CHST9: variants seen among roughly 807,000 people sequenced by gnomAD.
The protein encoded by CHST9 is GalNAc-4-sulfotransferase 2.
In CHST9, 41 loss-of-function variants were observed where a neutral mutation model predicts 44.4. The observed-to-expected ratio is 0.92, with a 90% CI of 0.72 to 1.20. CHST9 has a LOEUF of 1.20. Among genes scored for constraint, CHST9 ranks in the 50% most tolerant of loss-of-function variants. The pLI is 0.00. For synonymous variants in CHST9, 171 were observed against 178.4 expected (o/e 0.96, Z 0.33); for missense variants, 504 against 516.5 (o/e 0.98, Z 0.23).
At chr18:27,036,018 C>T (rs1052715498) in intron 3 of CHST9, among the ~76,000 whole-genome samples, 10 of 151,958 alleles carry the variant, frequency 6.6e-5, no homozygotes, top group African/African-American at 2.4e-4. Flanking sequence ...GTCAATTATA[C>T]CTCAATGAAT....
intron 2 of CHST9, among the ~76,000 whole-genome samples, chr18:27,099,339 G>A (rs761004783): frequency 6.6e-6 from 1 of 151,990 alleles, no homozygotes; most frequent in Non-Finnish European, 1.5e-5. Context: ...TTGACAAGTG[G>A]GACCTAATTA....
intron 4 of CHST9, among the ~76,000 whole-genome samples, chr18:26,967,197 T>C (rs912090607): frequency 1.3e-5 from 2 of 152,184 alleles, no homozygotes; most frequent in African/African-American, 4.8e-5. Flanking sequence ...CCTATGTCTT[T>C]AAAAGCAAGA....
chr18:27,169,539 C>T (rs1257516079), intron 1 of CHST9, among the ~76,000 whole-genome samples: 4 of 149,690 alleles, frequency 2.7e-5, no homozygotes, highest in Admixed American at 2.7e-4. Flanking sequence ...GACTTAAAAA[C>T]TTTATGTAAT....
chr18:27,141,463 T>A (rs1331430334), intron 2 of CHST9, among the ~76,000 whole-genome samples: 1 of 150,108 alleles, frequency 6.7e-6, no homozygotes, highest in Non-Finnish European at 1.5e-5. Context: ...CAGTGGTTTG[T>A]GCCTGTAGAC....
chr18:27,000,284 G>T (rs1392680279), intron 4 of CHST9, among the ~76,000 whole-genome samples: 1 of 152,156 alleles, frequency 6.6e-6, no homozygotes, highest in Non-Finnish European at 1.5e-5. Context: ...CAGAACTCTA[G>T]ATTTGTTGGA....
chr18:26,955,098 G>T (rs1050331503), intron 4 of CHST9, among the ~76,000 whole-genome samples: 3 of 152,072 alleles, frequency 2.0e-5, no homozygotes, highest in Admixed American at 2.0e-4. Context: ...GCCTGAGTTT[G>T]ACTGCTGATG....
rs2055536994 is a variant in CHST9 at position 26,916,851 on chromosome 18, T to C, written c.740A>G (p.Asn247Ser). 2 of 1,613,904 alleles carry C rather than the reference T, an allele frequency of 1.2e-6. No homozygotes were observed. The highest frequency in any genetic ancestry group is 1.3e-5 in the African/African-American group (1 of 75,026). ...LASSAYNISH[N>S]AVHYGKHLKK... ...CAAATGCTTCCCGTAGTGGACAGCA[T>C]TGTGGGAGATGTTGTATGCAGAGGA... The change falls in exon 6 of 6, where the codon AAT becomes AGT. Residue 247 changes from asparagine (N) to serine (S), a missense_variant. Transcript: ENST00000618847.
At chr18:27,116,252 T>C (rs529602927) in intron 2 of CHST9, among the ~76,000 whole-genome samples, 1 of 152,306 alleles carries the variant, frequency 6.6e-6, no homozygotes, top group East Asian at 1.9e-4. Flanking sequence ...GTTTTATAGT[T>C]TAGGCTCTTA....
intron 1 of CHST9, among the ~76,000 whole-genome samples, chr18:27,153,789 G>A (rs2058678001): frequency 6.6e-6 from 1 of 152,090 alleles, no homozygotes; most frequent in Admixed American, 6.6e-5. Flanking sequence ...CACTACACCA[G>A]GTGACTCAGG....
chr18:27,029,362 A>C (rs1161249976), intron 3 of CHST9, among the ~76,000 whole-genome samples: 1 of 152,146 alleles, frequency 6.6e-6, no homozygotes, highest in Non-Finnish European at 1.5e-5. Context: ...TCTAAAATTG[A>C]GGAAATCTTG....
rs380547 is a variant in CHST9 at position 26,913,089 on chromosome 18, T to C, written c.*3170A>G. 0.84 allele frequency: 127,945 copies of C among 152,164 alleles called. 53,914 individuals carry two copies. The highest frequency in any genetic ancestry group is 0.88 in the African/African-American group (36,754 of 41,532). The allele number at this position is 152,164 out of a possible 1,614,324, so 9.4% of individuals were successfully genotyped here. A position where few individuals can be genotyped will look rare whatever the true frequency, so the allele number is the denominator to read the frequency against. On this transcript the variant is annotated 3_prime_UTR_variant, in exon 6 of 6. Transcript: ENST00000618847. ...AAGTTCTATTAATTCAGCAAGTGATTTTTTCAAAGGGCACTCTAATATTCA... is the reference window on the plus strand; with the variant it reads ...AAGTTCTATTAATTCAGCAAGTGATCTTTTCAAAGGGCACTCTAATATTCA...
At chr18:26,981,538 G>T (rs2056692130) in intron 4 of CHST9, among the ~76,000 whole-genome samples, 1 of 152,300 alleles carries the variant, frequency 6.6e-6, no homozygotes, top group South Asian at 2.1e-4. Context: ...TAAGTTCGTT[G>T]TTCAGGAATA....
At chr18:26,953,508 C>T (rs2056280032) in intron 4 of CHST9, among the ~76,000 whole-genome samples, 1 of 151,732 alleles carries the variant, frequency 6.6e-6, no homozygotes, top group African/African-American at 2.4e-5. Flanking sequence ...ATCTAGGAGG[C>T]ATTGGTGGGT....
At chr18:27,143,934 G>A (rs1035522929) in intron 1 of CHST9, among the ~76,000 whole-genome samples, 8 of 152,178 alleles carry the variant, frequency 5.3e-5, no homozygotes, top group Non-Finnish European at 8.8e-5. Context: ...CGTTCTGCAC[G>A]TGTATCCCAG....
chr18:27,089,810 CTTT>C (rs56057285), intron 2 of CHST9, among the ~76,000 whole-genome samples: 2 of 124,730 alleles, frequency 1.6e-5, no homozygotes. Context: ...TGTTTCCTGA[CTTT>C]TTTTTTTTTT....
intron 4 of CHST9, among the ~76,000 whole-genome samples, chr18:26,970,278 T>G (rs1321558476): frequency 6.6e-6 from 1 of 152,214 alleles, no homozygotes; most frequent in Non-Finnish European, 1.5e-5. Context: ...ACTGCTTTAT[T>G]TCAGATTCAA....
intron 1 of CHST9, among the ~76,000 whole-genome samples, chr18:27,155,788 G>T (rs554058003): frequency 6.6e-6 from 1 of 151,852 alleles, no homozygotes; most frequent in Non-Finnish European, 1.5e-5. Flanking sequence ...GTAAATCCAG[G>T]GCTCAGAAAT....
intron 4 of CHST9, among the ~76,000 whole-genome samples, chr18:26,971,794 T>A (rs2056546981): frequency 6.6e-6 from 1 of 152,126 alleles, no homozygotes. Flanking sequence ...CCACTAGACC[T>A]GGAAGGACAG....
chr18:26,916,691 A>T lies in CHST9; in HGVS notation c.900T>A (p.Tyr300Ter). 6.2e-7 allele frequency: 1 copy of T among 1,613,916 alleles called. No individual in the cohort carries two copies. The highest frequency in any genetic ancestry group is 8.5e-7 in the Non-Finnish European group (1 of 1,179,820). ...FRDKFEHPNSYYHPVFGKAII... is the reference protein window; with the variant it reads ...FRDKFEHPNS ...TTGCCTTTCCGAATACTGGATGGTAATAACTATTGGGGTGTTCAAATTTGT... is the reference window on the plus strand; with the variant it reads ...TTGCCTTTCCGAATACTGGATGGTATTAACTATTGGGGTGTTCAAATTTGT... The change falls in exon 6 of 6, where the codon TAT becomes TAA. Residue 300 changes from tyrosine (Y) to a stop codon, truncating the protein, a stop_gained. Transcript: ENST00000618847. LOFTEE classifies it high-confidence loss of function.
Sources: gnomAD v4.1 joint callset for allele counts (sites outside exome capture counted in the v4.1 genomes callset) on GRCh38, gnomAD v4.1.1 for gene constraint, MANE v1.5 for transcripts, NCBI Gene and HGNC (gene_info 2026-07-23, HGNC 2026-07-21) for gene names.